The following ANXA6 variants were observed in gnomAD, a reference collection of about 807,000 sequenced individuals.
ANXA6 encodes the protein 67 kDa calelectrin.
Under a neutral mutation model 95.4 loss-of-function variants are expected in ANXA6, and 71 were observed. The observed-to-expected ratio is 0.74, with a 90% CI of 0.61 to 0.91. ANXA6 has a LOEUF of 0.91. Ranked by LOEUF, ANXA6 falls within the 40% of genes least tolerant of loss-of-function variation. The probability of loss-of-function intolerance (pLI) is 0.00; values close to 1 mark genes in which losing one functional copy is unlikely to be tolerated. For synonymous variants in ANXA6, 289 were observed against 315.9 expected, an observed-to-expected ratio of 0.91 and a Z score of 0.90; for missense variants, 830 against 876.4, an observed-to-expected ratio of 0.95 and a Z score of 0.67.
In ANXA6 at chr5:151,149,748, T is replaced by A. The variant is rs183673946; in HGVS notation, c.-25-1822A>T. Among the ~76,000 whole-genome samples, 361 of 152,168 alleles carry A rather than the reference T, an allele frequency of 2.4e-3. 3 individuals carry two copies. The highest frequency in any genetic ancestry group is 8.2e-3 in the African/African-American group (339 of 41,572). The stretch of plus-strand genomic sequence containing the variant: ...ATCTGCCCTCCTCAGTCTCTCAAAG[T>A]GCTGGGATTATAGGCGTGAGCCACC... On this transcript the variant is annotated intron_variant, in intron 1 of 25. Transcript: ENST00000354546.
chr5:151,144,596 A>T (rs1396019444), intron 2 of ANXA6, among the ~76,000 whole-genome samples: 1 of 151,904 alleles, frequency 6.6e-6, no homozygotes, highest in Admixed American at 6.6e-5. Flanking sequence ...CCAATTTCCT[A>T]TTGCTGCTCC....
At chr5:151,124,875 C>A (rs1765274238) in intron 14 of ANXA6, among the ~76,000 whole-genome samples, 1 of 152,242 alleles carries the variant, frequency 6.6e-6, no homozygotes, top group Non-Finnish European at 1.5e-5. Context: ...AGCACACACA[C>A]TATGCCATCT....
At chr5:151,151,684 A>T (rs28386800) in intron 1 of ANXA6, among the ~76,000 whole-genome samples, 15,105 of 152,116 alleles carry the variant, frequency 0.099, 764 homozygotes, top group African/African-American at 0.12. Flanking sequence ...AGAGACTTCA[A>T]CTCAGGATTT....
chr5:151,122,304 C>T (rs1427589570), intron 16 of ANXA6, 44 bp from the exon 17 acceptor site: 1 of 1,151,092 alleles, frequency 8.7e-7, no homozygotes, highest in Non-Finnish European at 1.3e-6. Context: ...CAGCACTTGC[C>T]CACACATGAC....
At chr5:151,144,816 C>T (rs950905449) in intron 2 of ANXA6, among the ~76,000 whole-genome samples, 29 of 152,084 alleles carry the variant, frequency 1.9e-4, no homozygotes, top group Admixed American at 3.9e-4. Context: ...CAAGTGATGA[C>T]CTACTAGATT....
intron 1 of ANXA6, among the ~76,000 whole-genome samples, chr5:151,148,847 G>C (rs549550618): frequency 3.9e-5 from 6 of 152,122 alleles, no homozygotes; most frequent in Admixed American, 3.9e-4. Flanking sequence ...TAGGATGTAG[G>C]ATCTGAGACC....
chr5:151,140,553 T>G, intron 2 of ANXA6: 1 of 191,138 alleles, frequency 5.2e-6, no homozygotes, highest in Non-Finnish European at 1.1e-5. Flanking sequence ...ATGAAAATGA[T>G]CCCTGCAAGA....
intron 1 of ANXA6, among the ~76,000 whole-genome samples, chr5:151,149,513 G>C (rs1307153454): frequency 6.6e-6 from 1 of 151,992 alleles, no homozygotes; most frequent in Non-Finnish European, 1.5e-5. Flanking sequence ...TTGAGATGGA[G>C]TCTCGCTCTG....
Position 151,124,372 on chromosome 5 carries a change from G to A in ANXA6, c.1057-5C>T, listed in dbSNP as rs1159883433. ...TGGGCGCACAGTTCCCTTCAGCTGTGAGAAGCAGAAAGAGACTCAGCAGGT... is the reference window on the plus strand; with the variant it reads ...TGGGCGCACAGTTCCCTTCAGCTGTAAGAAGCAGAAAGAGACTCAGCAGGT... On this transcript the variant is annotated splice_region_variant and splice_polypyrimidine_tract_variant and intron_variant, in intron 14 of 25. Transcript: ENST00000354546. 11 of 1,608,386 alleles carry A rather than the reference G, an allele frequency of 6.8e-6. No individual in the cohort carries two copies. Among genetic ancestry groups the A allele is most frequent in the Non-Finnish European group, 9.3e-6 (11 of 1,177,506 alleles).
At chr5:151,126,550 A>C (rs1765323337) in intron 13 of ANXA6, 70 bp from the exon 14 acceptor site, 1 of 479,812 alleles carries the variant, frequency 2.1e-6, no homozygotes, top group Admixed American at 2.9e-5. Context: ...ACCAACACAC[A>C]CACACACACA....
chr5:151,136,416 T>C (rs1035481355), intron 6 of ANXA6, 81 bp from the exon 7 acceptor site: 2 of 1,349,388 alleles, frequency 1.5e-6, no homozygotes, highest in African/African-American at 1.5e-5. Flanking sequence ...GCCCCCAAAA[T>C]GATCAGATAT....
At chr5:151,117,283 C>T in intron 19 of ANXA6, 103 bp from the exon 20 acceptor site, 1 of 1,201,150 alleles carries the variant, frequency 8.3e-7, no homozygotes, top group Non-Finnish European at 1.1e-6. Flanking sequence ...GAATGCTCTT[C>T]CTCATCAGCT....
intron 10 of ANXA6, among the ~76,000 whole-genome samples, chr5:151,131,757 G>A (rs1561578303): frequency 6.6e-6 from 1 of 152,132 alleles, no homozygotes; most frequent in East Asian, 1.9e-4. Flanking sequence ...GGAGCTGCAG[G>A]TTTCCCCCAA....
intron 17 of ANXA6, among the ~76,000 whole-genome samples, chr5:151,121,021 C>T (rs1022728564): frequency 2.6e-5 from 4 of 152,208 alleles, no homozygotes; most frequent in African/African-American, 7.2e-5. Context: ...TATTTCTGAA[C>T]CCTGTGTCTT....
intron 22 of ANXA6, among the ~76,000 whole-genome samples, chr5:151,109,072 A>C (rs1764777821): frequency 6.6e-6 from 1 of 152,036 alleles, no homozygotes; most frequent in Admixed American, 6.5e-5. Flanking sequence ...CCTGATTCCT[A>C]CGTAAGGGAG....
intron 21 of ANXA6, among the ~76,000 whole-genome samples, chr5:151,110,382 G>T (rs764351012): frequency 6.6e-6 from 1 of 152,218 alleles, no homozygotes; most frequent in Non-Finnish European, 1.5e-5. Flanking sequence ...GTTTAAGAGT[G>T]AGTCGATTTA....
intron 2 of ANXA6, among the ~76,000 whole-genome samples, chr5:151,144,351 T>C (rs1337448883): frequency 6.6e-6 from 1 of 152,226 alleles, no homozygotes; most frequent in African/African-American, 2.4e-5. Context: ...AGGTATTTCA[T>C]ACAAATACCT....
At chr5:151,133,436 T>C in intron 8 of ANXA6, 1 of 424,462 alleles carries the variant, frequency 2.4e-6, no homozygotes, top group Non-Finnish European at 4.3e-6. Context: ...CATAGCCTAC[T>C]ACACACCCAG....
chr5:151,147,246 G>A (rs1765996453), intron 2 of ANXA6, among the ~76,000 whole-genome samples: 1 of 152,242 alleles, frequency 6.6e-6, no homozygotes, highest in Non-Finnish European at 1.5e-5. Context: ...AATCCCAAAT[G>A]GGTGTGACAG....
Sources: gnomAD v4.1 joint callset for allele counts (sites outside exome capture counted in the v4.1 genomes callset) on GRCh38, gnomAD v4.1.1 for gene constraint, MANE v1.5 for transcripts, NCBI Gene and HGNC (gene_info 2026-07-23, HGNC 2026-07-21) for gene names.